Variants in NOX1 observed in about 807,000 individuals in gnomAD.
NOX1 encodes NADPH oxidase 1, also known as NADH/NADPH mitogenic oxidase subunit P65-MOX.
In NOX1, 34 loss-of-function variants were observed where a neutral mutation model predicts 42.5. That is an observed-to-expected ratio of 0.80 (90% CI 0.61 to 1.07). The LOEUF is 1.07. NOX1 is among the 50% of genes least tolerant of loss of function. NOX1 has a pLI of 0.00. For missense variants in NOX1, 408 were observed against 427.0 expected, an observed-to-expected ratio of 0.96 and a Z score of 0.39; for synonymous variants, 143 against 152.5, an observed-to-expected ratio of 0.94 and a Z score of 0.46.
chrX:100,873,703 T>C (rs1219476656), intron 1 of NOX1, among the ~76,000 whole-genome samples: 2 of 111,905 alleles, frequency 1.8e-5, no homozygotes, highest in Non-Finnish European at 3.8e-5. Flanking sequence ...ATATTTCTAG[T>C]GGTCAGTACT....
Position 100,844,270 on chromosome X carries a change from C to CA in NOX1, c.1569-193dup, listed in dbSNP as rs780120617. 3.5e-3 allele frequency among the ~76,000 whole-genome samples: 387 copies of CA among 111,909 alleles called. 2 individuals are homozygous for CA. The highest frequency in any genetic ancestry group is 0.012 in the African/African-American group (363 of 30,812). ...ATATGCTCTCAGCCCTTAACACTCT[C>CA]AGCACTCAGCCTTCCCTGTTTTGAG... On this transcript the variant is annotated intron_variant, in intron 12 of 12. Transcript: ENST00000372966.
At chrX:100,869,236 G>A (rs1366260837) in intron 2 of NOX1, among the ~76,000 whole-genome samples, 2 of 111,211 alleles carry the variant, frequency 1.8e-5, no homozygotes, top group Admixed American at 9.6e-5. Context: ...CATTGAATCT[G>A]TAAATTACCT....
chrX:100,866,504 G>GTT (rs2085238999), intron 2 of NOX1, among the ~76,000 whole-genome samples: 1 of 109,697 alleles, frequency 9.1e-6, no homozygotes, highest in Non-Finnish European at 1.9e-5. Flanking sequence ...GTGTGTGTGT[G>GTT]TGTGTGTGTG....
At chrX:100,845,020 C>T (rs986602800) in intron 12 of NOX1, among the ~76,000 whole-genome samples, 1 of 111,332 alleles carries the variant, frequency 9.0e-6, no homozygotes, top group African/African-American at 3.3e-5. Context: ...TTCCTTCTCT[C>T]ATACCTTTCT....
chrX:100,848,060 T>C (rs1456737052), intron 12 of NOX1, among the ~76,000 whole-genome samples: 1 of 111,577 alleles, frequency 9.0e-6, no homozygotes, highest in Non-Finnish European at 1.9e-5. Context: ...GTAGTATAGA[T>C]CAGAAGTGGG....
rs994752708 is a variant in NOX1 at position 100,872,242 on chromosome X, C to T, written c.46-1428G>A. ...AGAAAGTCAACAGTCACAGACACCT[C>T]AAGAATTTGGAAGACAGAGGAGAGA... On this transcript the variant is annotated intron_variant, in intron 1 of 12. Transcript: ENST00000372966. Among the ~76,000 whole-genome samples the T allele has an allele frequency of 4.5e-5, 5 of 111,857 alleles. No individual in the cohort carries two copies. The East Asian group carries it at 1.4e-3, about 31-fold the overall frequency.
intron 2 of NOX1, among the ~76,000 whole-genome samples, chrX:100,869,167 C>A: frequency 9.0e-6 from 1 of 110,932 alleles, no homozygotes; most frequent in East Asian, 2.8e-4. Context: ...TCCATATGAA[C>A]TTTGAAGTAG....
At chrX:100,860,128 G>T (rs2085194287) in intron 7 of NOX1, among the ~76,000 whole-genome samples, 1 of 111,081 alleles carries the variant, frequency 9.0e-6, no homozygotes, top group African/African-American at 3.3e-5. Flanking sequence ...TAACATCTTA[G>T]AGACTGGTCC....
At chrX:100,854,724 AATTCCATGATT>A (rs1357910540) in intron 7 of NOX1, among the ~76,000 whole-genome samples, 3 of 112,097 alleles carry the variant, frequency 2.7e-5, no homozygotes, top group Non-Finnish European at 5.6e-5. Flanking sequence ...TATAACCAAT[AATTCCATGATT>A]TTGCTTGGGT....
chrX:100,860,162 T>C (rs1014913826), intron 7 of NOX1, among the ~76,000 whole-genome samples: 1 of 111,652 alleles, frequency 9.0e-6, no homozygotes, highest in Admixed American at 9.6e-5. Context: ...TGGTACTGTC[T>C]CTTTCGTTTT....
At chrX:100,865,770 T>C (rs1007005056) in intron 2 of NOX1, among the ~76,000 whole-genome samples, 14 of 112,475 alleles carry the variant, frequency 1.2e-4, no homozygotes, top group Non-Finnish European at 2.4e-4. Flanking sequence ...TTTGCCAATT[T>C]TGATGATGTA....
At chrX:100,844,194 T>G (rs1602377665) in intron 12 of NOX1, 116 bp from the exon 13 acceptor site, 1 of 667,463 alleles carries the variant, frequency 1.5e-6, no homozygotes, top group East Asian at 3.6e-5. Context: ...GGTTGTTTAC[T>G]CCCACGTTCT....
At chrX:100,847,049 TGTG>T (rs1323277252) in intron 12 of NOX1, among the ~76,000 whole-genome samples, 2 of 111,531 alleles carry the variant, frequency 1.8e-5, no homozygotes, top group Non-Finnish European at 3.8e-5. Flanking sequence ...ATTAGCTGGA[TGTG>T]GTGGTGGATG....
chrX:100,856,191 TG>T, intron 7 of NOX1: 1 of 955,754 alleles, frequency 1.0e-6, no homozygotes. Context: ...TCCTCCACAG[TG>T]GCGTATGTGA....
chrX:100,862,645 T>C lies in NOX1; in HGVS notation c.489+24A>G, dbSNP rs199992211. 2.0e-3 allele frequency: 2,394 copies of C among 1,189,890 alleles called. 4 individuals carry two copies. Among genetic ancestry groups the C allele is most frequent in the Middle Eastern group, 4.9e-3 (21 of 4,250 alleles). ...TTCCTGCTCATGACCAGATCTCAGATGCTTTGCTAGAAAGTCAACTCACCG... is the reference window on the plus strand; with the variant it reads ...TTCCTGCTCATGACCAGATCTCAGACGCTTTGCTAGAAAGTCAACTCACCG... On this transcript the variant is annotated intron_variant, in intron 5 of 12. Coordinates refer to ENST00000372966, the MANE Select transcript of NOX1 (RefSeq NM_007052.5).
intron 1 of NOX1, among the ~76,000 whole-genome samples, chrX:100,871,600 C>T (rs1460650363): frequency 1.8e-5 from 2 of 111,945 alleles, no homozygotes; most frequent in East Asian, 2.8e-4. Context: ...ACTGCTTTTG[C>T]CTGTTCCAAG....
At chrX:100,861,238 T>A (rs2085201647) in intron 7 of NOX1, among the ~76,000 whole-genome samples, 1 of 111,625 alleles carries the variant, frequency 9.0e-6, no homozygotes, top group South Asian at 3.8e-4. Context: ...AGATATAGCT[T>A]TTTTCCCAGA....
intron 1 of NOX1, among the ~76,000 whole-genome samples, chrX:100,871,300 C>T (rs1452203204): frequency 8.9e-6 from 1 of 112,018 alleles, no homozygotes; most frequent in African/African-American, 3.2e-5. Flanking sequence ...ATATGGCTTG[C>T]AAAGCCTAAA....
intron 7 of NOX1, among the ~76,000 whole-genome samples, chrX:100,853,423 CT>C (rs1207560803): frequency 0.018 from 1,584 of 88,239 alleles, 67 homozygotes; most frequent in African/African-American, 0.063. Context: ...TTCTTTCTTT[CT>C]TTTTTTTTTT....
Sources: gnomAD v4.1 joint callset for allele counts (sites outside exome capture counted in the v4.1 genomes callset) on GRCh38, gnomAD v4.1.1 for gene constraint, MANE v1.5 for transcripts, NCBI Gene and HGNC (gene_info 2026-07-23, HGNC 2026-07-21) for gene names.